Variants in VAT1L observed in about 807,000 individuals in gnomAD.
VAT1L encodes vesicle amine transport 1 like.
Under a neutral mutation model 44.1 loss-of-function variants are expected in VAT1L, and 34 were observed. The ratio of observed to expected loss-of-function variants is 0.77; its 90% CI spans 0.59 to 1.03. The LOEUF (loss-of-function observed/expected upper bound fraction) is 1.03, where lower values mean the gene tolerates loss of function less well. VAT1L is among the 50% of genes least tolerant of loss of function. The pLI is 0.00. For missense variants in VAT1L, 615 were observed against 538.8 expected, an observed-to-expected ratio of 1.14 and a Z score of -1.40; for synonymous variants, 253 against 202.2, an observed-to-expected ratio of 1.25 and a Z score of -2.13.
intron 7 of VAT1L, among the ~76,000 whole-genome samples, chr16:77,935,194 G>A (rs149756057): frequency 6.6e-4 from 100 of 152,232 alleles, no homozygotes; most frequent in African/African-American, 2.1e-3. Context: ...AGATTCATTG[G>A]AAGAGTGAAA....
chr16:77,976,593 G>T (rs1471059845), intron 8 of VAT1L, among the ~76,000 whole-genome samples: 1 of 152,140 alleles, frequency 6.6e-6, no homozygotes, highest in African/African-American at 2.4e-5. Flanking sequence ...TAGATCAGGG[G>T]ATAAGAACAG....
chr16:77,789,056 C>A (rs924400150), intron 1 of VAT1L, 141 bp downstream of exon 1: 19 of 1,031,112 alleles, frequency 1.8e-5, no homozygotes, highest in Admixed American at 3.2e-5. Context: ...GGTCTCAGAG[C>A]CTCCCCGGGC....
intron 7 of VAT1L, among the ~76,000 whole-genome samples, chr16:77,939,321 G>T (rs1212626287): frequency 2.0e-5 from 3 of 152,172 alleles, no homozygotes; most frequent in African/African-American, 4.8e-5. Flanking sequence ...AGAGCCAATT[G>T]TGTGCATGTT....
intron 5 of VAT1L, among the ~76,000 whole-genome samples, chr16:77,876,833 A>G (rs1362093490): frequency 4.6e-5 from 7 of 152,226 alleles, no homozygotes; most frequent in Non-Finnish European, 1.0e-4. Context: ...GACCCACAGT[A>G]GGATGGGGAA....
At chr16:77,885,941 A>G (rs2017205091) in intron 7 of VAT1L, among the ~76,000 whole-genome samples, 1 of 152,196 alleles carries the variant, frequency 6.6e-6, no homozygotes, top group Non-Finnish European at 1.5e-5. Flanking sequence ...CTAATACTGC[A>G]GTGTCATGGA....
chr16:77,971,270 C>G (rs1249684952), intron 7 of VAT1L, among the ~76,000 whole-genome samples: 1 of 152,144 alleles, frequency 6.6e-6, no homozygotes, highest in Non-Finnish European at 1.5e-5. Flanking sequence ...GCCTGGCAAG[C>G]CCCCAACATT....
intron 5 of VAT1L, among the ~76,000 whole-genome samples, chr16:77,878,891 A>T (rs1004924788): frequency 6.7e-6 from 1 of 150,328 alleles, no homozygotes; most frequent in South Asian, 2.1e-4. Flanking sequence ...ATTTTATTCA[A>T]ACGTTGGCCT....
At chr16:77,918,974 A>G (rs1004395253) in intron 7 of VAT1L, among the ~76,000 whole-genome samples, 4 of 152,076 alleles carry the variant, frequency 2.6e-5, no homozygotes, top group African/African-American at 9.7e-5. Context: ...ATTCCTTCCT[A>G]TCTAGCTTCT....
chr16:77,973,694 T>G (rs2018304999), intron 8 of VAT1L, among the ~76,000 whole-genome samples: 1 of 151,440 alleles, frequency 6.6e-6, no homozygotes, highest in African/African-American at 2.4e-5. Flanking sequence ...AAAAAAGAAC[T>G]AAAATTTCTT....
At chr16:77,827,836 A>C (rs1344778419) in intron 3 of VAT1L, among the ~76,000 whole-genome samples, 2 of 152,206 alleles carry the variant, frequency 1.3e-5, no homozygotes, top group African/African-American at 2.4e-5. Flanking sequence ...ATCCTCAACA[A>C]AGCTGTTATA....
intron 1 of VAT1L, among the ~76,000 whole-genome samples, chr16:77,809,659 T>C (rs2016230508): frequency 6.6e-6 from 1 of 152,324 alleles, no homozygotes; most frequent in African/African-American, 2.4e-5. Flanking sequence ...CATCCCCTCT[T>C]CTCAGCAATT....
At chr16:77,878,476 C>T (rs538381498) in intron 5 of VAT1L, among the ~76,000 whole-genome samples, 4 of 152,118 alleles carry the variant, frequency 2.6e-5, no homozygotes, top group South Asian at 2.1e-4. Flanking sequence ...TCCCCTGCCC[C>T]GAAACCTTAT....
At chr16:77,909,437 G>T (rs962671219) in intron 7 of VAT1L, among the ~76,000 whole-genome samples, 1 of 152,016 alleles carries the variant, frequency 6.6e-6, no homozygotes, top group African/African-American at 2.4e-5. Context: ...AGGAGTTCGA[G>T]ACCAGCCTGG....
chr16:77,814,639 T>A (rs932630339), intron 1 of VAT1L, among the ~76,000 whole-genome samples: 4 of 152,202 alleles, frequency 2.6e-5, no homozygotes, highest in Admixed American at 2.6e-4. Context: ...AAATCATTGG[T>A]TTTCATGAAA....
At position 77,971,906 on chromosome 16, in the gene VAT1L, G is replaced by A. The variant is rs770383298; in HGVS notation, c.1134G>A (p.Leu378=). ...GAGGGAACATTGGCAAGTTAATTCT[G>A]GATGTAGAAAAGACCCCAACTCCAC... ...HDRGNIGKLI[L]DVEKTPTPLM... The change falls in exon 8 of 9, where the codon CTG becomes CTA. Residue 378 remains leucine (L), a synonymous_variant. Coordinates refer to ENST00000302536, the MANE Select transcript of VAT1L (RefSeq NM_020927.3). 4.3e-6 allele frequency: 7 copies of A among 1,613,840 alleles called. No homozygotes were observed. The highest frequency in any genetic ancestry group is 1.1e-5 in the South Asian group (1 of 91,036).
chr16:77,887,103 C>A (rs1000711195), intron 7 of VAT1L, among the ~76,000 whole-genome samples: 1 of 152,086 alleles, frequency 6.6e-6, no homozygotes, highest in Non-Finnish European at 1.5e-5. Context: ...GGAGCTGGAA[C>A]ATGAAAGAGG....
chr16:77,915,692 G>A (rs1391762301), intron 7 of VAT1L, among the ~76,000 whole-genome samples: 2 of 152,212 alleles, frequency 1.3e-5, no homozygotes, highest in African/African-American at 4.8e-5. Flanking sequence ...GCAAGACCAA[G>A]CCTGTGGGAA....
chr16:77,902,734 G>GC (rs1555518303), intron 7 of VAT1L, among the ~76,000 whole-genome samples: 1 of 127,006 alleles, frequency 7.9e-6, no homozygotes, highest in African/African-American at 3.0e-5. Flanking sequence ...TGGGGGGGTG[G>GC]GGGGGGTGTG....
chr16:77,814,769 G>C (rs751958375), intron 1 of VAT1L, among the ~76,000 whole-genome samples: 1 of 152,128 alleles, frequency 6.6e-6, no homozygotes, highest in Admixed American at 6.5e-5. Flanking sequence ...TCAGAAAATC[G>C]GCCATTTTAT....
Sources: gnomAD v4.1 joint callset for allele counts (sites outside exome capture counted in the v4.1 genomes callset) on GRCh38, gnomAD v4.1.1 for gene constraint, MANE v1.5 for transcripts, NCBI Gene and HGNC (gene_info 2026-07-23, HGNC 2026-07-21) for gene names.